Variants in PTPRN2 observed in about 807,000 individuals in gnomAD.
PTPRN2 encodes the protein protein tyrosine phosphatase receptor type N2.
Under a neutral mutation model 118.8 loss-of-function variants are expected in PTPRN2, and 74 were observed. The ratio of observed to expected loss-of-function variants is 0.62; its 90% CI spans 0.52 to 0.76. The LOEUF (loss-of-function observed/expected upper bound fraction) is 0.76. PTPRN2 is among the 30% of genes least tolerant of loss of function. The probability of loss-of-function intolerance (pLI) is 0.00; values close to 1 mark genes in which losing one functional copy is unlikely to be tolerated. For synonymous variants in PTPRN2, 641 were observed against 608.0 expected (o/e 1.05, Z -0.80); for missense variants, 1,481 against 1,394.4 (o/e 1.06, Z -0.99).
intron 10 of PTPRN2, among the ~76,000 whole-genome samples, chr7:158,096,669 T>G (rs74851587): frequency 6.6e-6 from 1 of 152,224 alleles, no homozygotes; most frequent in Non-Finnish European, 1.5e-5. Flanking sequence ...GCTTGTAATA[T>G]TCAGACAGGG....
chr7:157,788,093 A>G (rs1309041010), intron 12 of PTPRN2, among the ~76,000 whole-genome samples: 1 of 152,228 alleles, frequency 6.6e-6, no homozygotes, highest in Admixed American at 6.5e-5. Flanking sequence ...AGCAGGGAAG[A>G]GGCTGGGCGC....
intron 2 of PTPRN2, among the ~76,000 whole-genome samples, chr7:158,385,605 G>A (rs1297370718): frequency 6.6e-6 from 1 of 152,142 alleles, no homozygotes; most frequent in Non-Finnish European, 1.5e-5. Flanking sequence ...AGTCAACAAA[G>A]GAGGTCCATA....
At chr7:157,693,556 C>T (rs537868707) in intron 12 of PTPRN2, among the ~76,000 whole-genome samples, 6 of 152,234 alleles carry the variant, frequency 3.9e-5, no homozygotes, top group South Asian at 2.1e-4. Flanking sequence ...CGGGTCTTCC[C>T]AGCGACCCGG....
At chr7:158,004,306 C>T (rs1805496072) in intron 11 of PTPRN2, among the ~76,000 whole-genome samples, 1 of 152,180 alleles carries the variant, frequency 6.6e-6, no homozygotes, top group Non-Finnish European at 1.5e-5. Context: ...CAGAGCTACC[C>T]TCAATGGCAC....
rs774450673 is a variant in PTPRN2, at chr7:157,750,093, T to G, written c.1789-67156A>C. Among the ~76,000 whole-genome samples the G allele has an allele frequency of 3.1e-4, 47 of 152,058 alleles. 1 individual carries two copies. Among genetic ancestry groups the G allele is most frequent in the Non-Finnish European group, 8.8e-5 (6 of 68,000 alleles). ...TGAGGGCTCTTTTGCTTGTGGCCCTTCTGCTTGGCATGCATACTCAGGCCT... is the reference window on the plus strand; with the variant it reads ...TGAGGGCTCTTTTGCTTGTGGCCCTGCTGCTTGGCATGCATACTCAGGCCT... On this transcript the variant is annotated intron_variant, in intron 12 of 22. Transcript: ENST00000389418.
At chr7:158,490,993 G>A (rs530428887) in intron 1 of PTPRN2, among the ~76,000 whole-genome samples, 12 of 152,188 alleles carry the variant, frequency 7.9e-5, no homozygotes, top group Non-Finnish European at 1.6e-4. Context: ...AAGAAACTGA[G>A]GAATCTGGAG....
At chr7:158,347,067 C>T (rs568702057) in intron 2 of PTPRN2, among the ~76,000 whole-genome samples, 1 of 151,766 alleles carries the variant, frequency 6.6e-6, no homozygotes, top group African/African-American at 2.4e-5. Context: ...GTGCACTCTG[C>T]TAACTGTTTT....
intron 11 of PTPRN2, among the ~76,000 whole-genome samples, chr7:158,017,952 C>T (rs755895306): frequency 5.9e-5 from 9 of 152,128 alleles, no homozygotes; most frequent in Non-Finnish European, 2.9e-5. Context: ...TCAGAAGAGC[C>T]TCCGAGCCCA....
Position 157,673,238 on chromosome 7 carries a change from G to A in PTPRN2, c.2001+9487C>T, listed in dbSNP as rs560401675. Among the ~76,000 whole-genome samples, 13 of 152,264 alleles carry A rather than the reference G, an allele frequency of 8.5e-5. No homozygotes were observed. The South Asian group carries it at 2.3e-3, about 27-fold the overall frequency. On this transcript the variant is annotated intron_variant, in intron 13 of 22. Coordinates refer to ENST00000389418, the MANE Select transcript of PTPRN2 (RefSeq NM_002847.5). ...GGGGTTTCGCCATGTTGGCCAGGCT[G>A]GTCTCAAATTCCTGACCTCAGGTGA... is the stretch of plus-strand genomic sequence containing the variant.
chr7:158,486,311 C>A (rs931582124), intron 2 of PTPRN2, among the ~76,000 whole-genome samples: 13 of 152,226 alleles, frequency 8.5e-5, no homozygotes, highest in African/African-American at 3.1e-4. Context: ...CTATTTTAAT[C>A]TTCATAGATT....
At chr7:158,070,261 T>G (rs981624051) in intron 11 of PTPRN2, among the ~76,000 whole-genome samples, 1 of 151,276 alleles carries the variant, frequency 6.6e-6, no homozygotes, top group East Asian at 1.9e-4. Flanking sequence ...GTGCTCATGG[T>G]GATGGAGGTG....
intron 12 of PTPRN2, among the ~76,000 whole-genome samples, chr7:157,725,268 C>A (rs1446005047): frequency 1.5e-5 from 2 of 134,426 alleles, no homozygotes; most frequent in African/African-American, 3.3e-5. Flanking sequence ...GTGAGCCAGA[C>A]CCTGGCCTCC....
chr7:158,482,202 A>C (rs1201613580), intron 2 of PTPRN2, among the ~76,000 whole-genome samples: 1 of 152,210 alleles, frequency 6.6e-6, no homozygotes, highest in East Asian at 1.9e-4. Context: ...AATCAGAACA[A>C]AGGATTCAGA....
chr7:158,087,250 C>T (rs370001311), intron 10 of PTPRN2, among the ~76,000 whole-genome samples: 1 of 152,200 alleles, frequency 6.6e-6, no homozygotes, highest in Non-Finnish European at 1.5e-5. Context: ...TCTCAGGGAG[C>T]CTGGTTGCTT....
intron 11 of PTPRN2, chr7:158,027,443 G>A (rs1807365167): frequency 6.6e-6 from 1 of 152,220 alleles, no homozygotes; most frequent in Non-Finnish European, 1.5e-5. Flanking sequence ...GCCTCCTTGG[G>A]AGCAGCCTGA....
At chr7:157,829,695 G>A (rs1807423276) in intron 12 of PTPRN2, among the ~76,000 whole-genome samples, 1 of 152,330 alleles carries the variant, frequency 6.6e-6, no homozygotes, top group South Asian at 2.1e-4. Flanking sequence ...CACCTGCTGA[G>A]AGCCCAAGTG....
rs956934844 is a variant in PTPRN2, at chr7:157,801,104, C to T, written c.1788+97569G>A. On this transcript the variant is annotated intron_variant, in intron 12 of 22. Coordinates refer to ENST00000389418, the MANE Select transcript of PTPRN2 (RefSeq NM_002847.5). This position sits in a 1 kb window ranked among gnomAD's most constrained non-coding sequence, Gnocchi z 4.2. Reference sequence around the variant, plus strand: ...ACACACACACACATATATATATGCACATATATATGAATACCCAATACCCAA... The same window carrying T: ...ACACACACACACATATATATATGCATATATATATGAATACCCAATACCCAA... 1.3e-5 allele frequency among the ~76,000 whole-genome samples: 2 copies of T among 151,426 alleles called. No homozygotes were observed. Among genetic ancestry groups the T allele is most frequent in the Non-Finnish European group, 2.9e-5 (2 of 67,950 alleles).
chr7:158,027,733 C>T (rs950571299), intron 11 of PTPRN2: 2 of 152,158 alleles, frequency 1.3e-5, no homozygotes, highest in Non-Finnish European at 2.9e-5. Context: ...ACGGAGGTTT[C>T]TCCAGCGGAG....
intron 15 of PTPRN2, among the ~76,000 whole-genome samples, chr7:157,612,557 T>C (rs1457066402): frequency 6.6e-6 from 1 of 152,126 alleles, no homozygotes; most frequent in Non-Finnish European, 1.5e-5. Context: ...TAACGCCCGT[T>C]TTGTGGATCG....
Sources: allele counts gnomAD v4.1 joint callset (sites outside exome capture counted in the v4.1 genomes callset), GRCh38; gene constraint gnomAD v4.1.1; non-coding constraint Gnocchi (gnomAD v3.1); transcripts MANE v1.5; gene names NCBI Gene and HGNC (gene_info 2026-07-23, HGNC 2026-07-21).